The following SV2C variants were observed in gnomAD, a reference collection of about 807,000 sequenced individuals.
The protein encoded by SV2C is solute carrier family 22 member B3.
Under a neutral mutation model 79.7 loss-of-function variants are expected in SV2C, and 49 were observed. That is an observed-to-expected ratio of 0.61 (90% confidence interval 0.49 to 0.78). SV2C has a LOEUF of 0.78. Among genes scored for constraint, SV2C ranks in the 30% least tolerant of loss-of-function variants. The pLI is 0.00. For missense variants in SV2C, 833 were observed against 912.9 expected (o/e 0.91, Z 1.13); for synonymous variants, 334 against 333.2 (o/e 1.00, Z -0.03).
chr5:76,093,267 A>C (rs891703973), intron 1 of SV2C, among the ~76,000 whole-genome samples: 1 of 152,092 alleles, frequency 6.6e-6, no homozygotes, highest in African/African-American at 2.4e-5. Context: ...GTGCTTATCA[A>C]GTTCTCCCTC....
the SV2C span, among the ~76,000 whole-genome samples, chr5:75,974,489 T>C: frequency 6.6e-6 from 1 of 152,082 alleles, no homozygotes; most frequent in South Asian, 2.1e-4. Context: ...GGAATGACCG[T>C]TCTTCTCATT....
At chr5:75,969,701 T>C in the SV2C span, among the ~76,000 whole-genome samples, 12 of 152,078 alleles carry the variant, frequency 7.9e-5, no homozygotes, top group Non-Finnish European at 1.6e-4. Context: ...CAAAGAGACT[T>C]AGACTCCCAC....
At chr5:75,957,740 C>T in the SV2C span, among the ~76,000 whole-genome samples, 2 of 152,032 alleles carry the variant, frequency 1.3e-5, no homozygotes, top group South Asian at 2.1e-4. Context: ...ATAGGAAATA[C>T]ATCCTACAAA....
the SV2C span, among the ~76,000 whole-genome samples, chr5:76,036,614 G>A: frequency 6.6e-6 from 1 of 152,204 alleles, no homozygotes; most frequent in African/African-American, 2.4e-5. Flanking sequence ...CGAGAGATCT[G>A]CTGTTAGTCT....
chr5:75,873,677 G>C, the SV2C span, among the ~76,000 whole-genome samples: 18,924 of 152,038 alleles, frequency 0.12, 1,382 homozygotes, highest in African/African-American at 0.22. Context: ...CATTACGTCT[G>C]TGATACACTT....
At chr5:76,174,132 CAG>C (rs1743439411) in intron 2 of SV2C, 1 of 1,609,248 alleles carries the variant, frequency 6.2e-7, no homozygotes, top group Non-Finnish European at 8.5e-7. Flanking sequence ...ACAGTCAAAG[CAG>C]ACTTTCCAAC....
intron 4 of SV2C, among the ~76,000 whole-genome samples, chr5:76,214,075 A>G (rs559950673): frequency 6.6e-6 from 1 of 152,218 alleles, no homozygotes; most frequent in East Asian, 1.9e-4. Flanking sequence ...ACAAAATTCC[A>G]ATATGTGCAT....
intron 4 of SV2C, among the ~76,000 whole-genome samples, chr5:76,259,570 G>A (rs1057431698): frequency 6.6e-6 from 1 of 151,998 alleles, no homozygotes; most frequent in African/African-American, 2.4e-5. Flanking sequence ...GCATGCATTA[G>A]GTATTTGTCC....
At chr5:76,320,340 A>G (rs1748788499) in intron 12 of SV2C, among the ~76,000 whole-genome samples, 1 of 152,178 alleles carries the variant, frequency 6.6e-6, no homozygotes, top group Admixed American at 6.5e-5. Flanking sequence ...CAGTAAAGCT[A>G]TTCTACATGA....
chr5:76,040,868 A>G, the SV2C span, among the ~76,000 whole-genome samples: 2 of 152,242 alleles, frequency 1.3e-5, no homozygotes, highest in Non-Finnish European at 2.9e-5. Flanking sequence ...AATACAGCAC[A>G]GTTAAAAAGC....
chr5:75,887,968 G>A, the SV2C span, among the ~76,000 whole-genome samples: 10 of 152,156 alleles, frequency 6.6e-5, no homozygotes, highest in African/African-American at 2.4e-4. Flanking sequence ...CCAAAGCTGA[G>A]ACTGCAAGAA....
Position 76,303,340 on chromosome 5 carries a change from C to G in SV2C, c.2000+1795C>G, listed in dbSNP as rs111332071. ...GCTTCATTGAGCTTTCTTTCATCAA[C>G]CTCTCATTCTGCAAACAGAGCTTAG... is the stretch of plus-strand genomic sequence containing the variant. On this transcript the variant is annotated intron_variant, in intron 12 of 12. Coordinates refer to ENST00000502798, the MANE Select transcript of SV2C (RefSeq NM_014979.4). 3.1e-3 allele frequency among the ~76,000 whole-genome samples: 479 copies of G among 152,334 alleles called. 1 individual carries two copies. Among genetic ancestry groups the G allele is most frequent in the African/African-American group, 0.011 (461 of 41,584 alleles).
chr5:75,957,215 G>A, the SV2C span, among the ~76,000 whole-genome samples: 1 of 152,000 alleles, frequency 6.6e-6, no homozygotes, highest in Non-Finnish European at 1.5e-5. Flanking sequence ...TAAATCAGGA[G>A]TAAGACCACA....
chr5:75,901,495 A>G, the SV2C span, among the ~76,000 whole-genome samples: 1 of 152,120 alleles, frequency 6.6e-6, no homozygotes, highest in Non-Finnish European at 1.5e-5. Flanking sequence ...GTCTGCCCCT[A>G]CTGGGGGGTG....
intron 10 of SV2C, among the ~76,000 whole-genome samples, chr5:76,300,030 G>A (rs1273087758): frequency 6.6e-6 from 1 of 151,990 alleles, no homozygotes; most frequent in Non-Finnish European, 1.5e-5. Flanking sequence ...GTGCCCTCTA[G>A]TCTCATAAAA....
At chr5:76,266,491 A>G (rs1288086145) in intron 4 of SV2C, among the ~76,000 whole-genome samples, 2 of 152,234 alleles carry the variant, frequency 1.3e-5, no homozygotes, top group Non-Finnish European at 2.9e-5. Flanking sequence ...TACAGGCATG[A>G]GCCACTGCAC....
chr5:76,231,899 C>T (rs549995186), intron 4 of SV2C, among the ~76,000 whole-genome samples: 19 of 144,968 alleles, frequency 1.3e-4, no homozygotes, highest in East Asian at 5.8e-4. Context: ...AATAAACATA[C>T]GTGTGCATGT....
chr5:76,071,833 T>A, the SV2C span, among the ~76,000 whole-genome samples: 7 of 152,340 alleles, frequency 4.6e-5, no homozygotes, highest in African/African-American at 1.7e-4. Context: ...AGATGATAAT[T>A]TTCCCTTGAG....
chr5:75,895,672 T>C, the SV2C span, among the ~76,000 whole-genome samples: 380 of 152,210 alleles, frequency 2.5e-3, 1 homozygote, highest in African/African-American at 8.9e-3. Context: ...GCCTGGGCTG[T>C]GTTTTTTGGA....
Sources: gnomAD v4.1 joint callset for allele counts (sites outside exome capture counted in the v4.1 genomes callset) on GRCh38, gnomAD v4.1.1 for gene constraint, MANE v1.5 for transcripts, NCBI Gene and HGNC (gene_info 2026-07-23, HGNC 2026-07-21) for gene names.